Variants in SNTG2 observed in about 807,000 individuals in gnomAD.
SNTG2 encodes gamma-2-syntrophin.
In SNTG2, 74 loss-of-function variants were observed where a neutral mutation model predicts 70.9. The observed-to-expected ratio is 1.04, with a 90% confidence interval of 0.86 to 1.27. SNTG2 has a LOEUF of 1.27. SNTG2 is among the 50% of genes most tolerant of loss of function. The probability of loss-of-function intolerance (pLI) is 0.00; values close to 1 mark genes in which losing one functional copy is unlikely to be tolerated. For synonymous variants in SNTG2, 278 were observed against 273.8 expected, an observed-to-expected ratio of 1.02 and a Z score of -0.15; for missense variants, 717 against 690.7, an observed-to-expected ratio of 1.04 and a Z score of -0.43.
intron 1 of SNTG2, among the ~76,000 whole-genome samples, chr2:1,007,448 A>G (rs1659605585): frequency 6.6e-6 from 1 of 152,324 alleles, no homozygotes; most frequent in Admixed American, 6.5e-5. Context: ...GGCAGGAAAC[A>G]AAACTTCCCT....
chr2:1,251,312 A>C lies in SNTG2; in HGVS notation c.1005+3869A>C, dbSNP rs562177922. ...CAAGTAAGCATAGTTTCATAATTTAAATTTTTAAGTATAAATATATAACTG... is the reference window on the plus strand; with the variant it reads ...CAAGTAAGCATAGTTTCATAATTTACATTTTTAAGTATAAATATATAACTG... On this transcript the variant is annotated intron_variant, in intron 12 of 16. Transcript: ENST00000308624. 2.4e-4 allele frequency among the ~76,000 whole-genome samples: 37 copies of C among 152,316 alleles called. No homozygotes were observed. The South Asian group carries it at 7.5e-3, about 31-fold the overall frequency.
At chr2:1,116,147 A>C (rs1418450387) in intron 4 of SNTG2, among the ~76,000 whole-genome samples, 2 of 152,250 alleles carry the variant, frequency 1.3e-5, no homozygotes, top group Non-Finnish European at 2.9e-5. Context: ...TGGCGTCTTC[A>C]GAGCTTAGGG....
At chr2:1,057,959 T>C (rs6728222) in intron 1 of SNTG2, among the ~76,000 whole-genome samples, 119,159 of 152,040 alleles carry the variant, frequency 0.78, 46,879 homozygotes, top group East Asian at 0.89. Flanking sequence ...CCCCAGGGGT[T>C]GAGGCTGCAG....
chr2:1,098,003 G>C (rs111309682), intron 2 of SNTG2, among the ~76,000 whole-genome samples, 193 bp from the exon 3 acceptor site: 172 of 152,110 alleles, frequency 1.1e-3, no homozygotes, highest in African/African-American at 4.0e-3. Flanking sequence ...CTTTATCACT[G>C]TCTTCGTTTT....
At chr2:1,121,260 T>C (rs984047907) in intron 4 of SNTG2, among the ~76,000 whole-genome samples, 4 of 151,796 alleles carry the variant, frequency 2.6e-5, no homozygotes, top group African/African-American at 7.3e-5. Context: ...GCAAAAACAG[T>C]TGTGAGAAGG....
intron 6 of SNTG2, among the ~76,000 whole-genome samples, chr2:1,146,724 A>G (rs1338256844): frequency 6.6e-6 from 1 of 152,254 alleles, no homozygotes; most frequent in Non-Finnish European, 1.5e-5. Flanking sequence ...GTAATAGCCC[A>G]GAAATAGAAC....
At chr2:1,179,117 G>T (rs1052993105) in intron 8 of SNTG2, among the ~76,000 whole-genome samples, 1 of 152,132 alleles carries the variant, frequency 6.6e-6, no homozygotes. Context: ...TTCTTTGATG[G>T]TAGTTTGCAT....
rs1484242263 is a variant in SNTG2, at chr2:1,196,198, T to C, written c.592-12905T>C. Among the ~76,000 whole-genome samples the C allele has an allele frequency of 3.3e-5, 5 of 152,090 alleles. No homozygotes were observed. The East Asian group carries it at 9.7e-4, about 29-fold the overall frequency. ...TTAAAAACAAGGAAACAAACAGAAA[T>C]CTTAGAACTCAATAACTCAATGGAT... On this transcript the variant is annotated intron_variant, in intron 8 of 16. Transcript: ENST00000308624.
intron 6 of SNTG2, among the ~76,000 whole-genome samples, chr2:1,151,551 C>T (rs1215595041): frequency 2.0e-5 from 3 of 152,176 alleles, no homozygotes; most frequent in African/African-American, 7.2e-5. Flanking sequence ...AAGCGCGATG[C>T]CCACGTGCGC....
chr2:1,085,513 A>G (rs1485037799), intron 2 of SNTG2, among the ~76,000 whole-genome samples: 1 of 152,230 alleles, frequency 6.6e-6, no homozygotes, highest in East Asian at 1.9e-4. Context: ...AGACAACATT[A>G]ACGGATAGAT....
chr2:1,291,605 C>G (rs374840418), intron 14 of SNTG2, among the ~76,000 whole-genome samples: 1 of 152,292 alleles, frequency 6.6e-6, no homozygotes, highest in African/African-American at 2.4e-5. Flanking sequence ...AAAAGACTGG[C>G]CTTTCTCCAT....
At chr2:1,168,584 TCTG>T (rs1428096343) in intron 7 of SNTG2, among the ~76,000 whole-genome samples, 1 of 152,256 alleles carries the variant, frequency 6.6e-6, no homozygotes, top group African/African-American at 2.4e-5. Flanking sequence ...TAGCATGACT[TCTG>T]CTTTCATCTT....
chr2:1,285,029 T>G, intron 14 of SNTG2, among the ~76,000 whole-genome samples: 1 of 151,848 alleles, frequency 6.6e-6, no homozygotes. Flanking sequence ...GACCCCACAG[T>G]AGGCCATCCC....
chr2:1,177,963 A>C (rs1671595480), intron 8 of SNTG2, among the ~76,000 whole-genome samples: 1 of 152,238 alleles, frequency 6.6e-6, no homozygotes. Flanking sequence ...AATTTGGGAC[A>C]ATAAACACTT....
intron 9 of SNTG2, among the ~76,000 whole-genome samples, chr2:1,221,326 T>C (rs1318259563): frequency 6.6e-6 from 1 of 151,556 alleles, no homozygotes; most frequent in Non-Finnish European, 1.5e-5. Flanking sequence ...TCTCCCTGTC[T>C]CTGTCTCTCT....
intron 14 of SNTG2, among the ~76,000 whole-genome samples, chr2:1,275,851 T>A (rs896966820): frequency 7.9e-5 from 12 of 152,106 alleles, no homozygotes; most frequent in African/African-American, 2.9e-4. Flanking sequence ...TTGAAGGAAA[T>A]TAAAAGTGCT....
chr2:1,340,760 A>G (rs1660043539), intron 16 of SNTG2, among the ~76,000 whole-genome samples: 1 of 152,212 alleles, frequency 6.6e-6, no homozygotes, highest in Admixed American at 6.5e-5. Context: ...TTTTTCCTAA[A>G]TGGGAAAATA....
rs547356227 is a variant in SNTG2, at chr2:1,197,324, A to C, written c.592-11779A>C. Among the ~76,000 whole-genome samples the C allele has an allele frequency of 2.0e-5, 3 of 152,094 alleles. No individual in the cohort carries two copies. In the South Asian group the frequency reaches 6.2e-4, roughly 32 times the overall value. On this transcript the variant is annotated intron_variant, in intron 8 of 16. Transcript: ENST00000308624. Reference sequence around the variant, plus strand: ...ACCAAAAATGAACAGAAGCAACTATAATTATATCAGATAAAATAGACTTTA... The same window carrying C: ...ACCAAAAATGAACAGAAGCAACTATCATTATATCAGATAAAATAGACTTTA...
intron 4 of SNTG2, among the ~76,000 whole-genome samples, chr2:1,109,734 ATAATT>A (rs1401332963): frequency 6.6e-6 from 1 of 152,242 alleles, no homozygotes. Flanking sequence ...ATGGTAATAA[ATAATT>A]TAATAAATAA....
Sources: allele counts gnomAD v4.1 joint callset (sites outside exome capture counted in the v4.1 genomes callset), GRCh38; gene constraint gnomAD v4.1.1; transcripts MANE v1.5; gene names NCBI Gene and HGNC (gene_info 2026-07-23, HGNC 2026-07-21).